Variants in WWOX observed in about 807,000 individuals in gnomAD.
WWOX encodes WW domain-containing oxidoreductase.
Under a neutral mutation model 46.2 loss-of-function variants are expected in WWOX, and 69 were observed. The ratio of observed to expected loss-of-function variants is 1.49; its 90% confidence interval spans 1.23 to 1.82. The LOEUF (loss-of-function observed/expected upper bound fraction) is 1.82. Ranked by LOEUF, WWOX falls within the 40% of genes most tolerant of loss-of-function variation. The pLI is 0.00. For missense variants in WWOX, 919 were observed against 542.6 expected, an observed-to-expected ratio of 1.69 and a Z score of -6.89; for synonymous variants, 359 against 202.6, an observed-to-expected ratio of 1.77 and a Z score of -6.56.
At chr16:78,920,999 A>T (rs927060071) in intron 8 of WWOX, among the ~76,000 whole-genome samples, 3 of 152,144 alleles carry the variant, frequency 2.0e-5, no homozygotes, top group Admixed American at 6.6e-5. Flanking sequence ...CAGCTCCCAC[A>T]CTGGCTGTTT....
chr16:78,791,262 A>G (rs1326533216), intron 8 of WWOX, among the ~76,000 whole-genome samples: 1 of 152,044 alleles, frequency 6.6e-6, no homozygotes, highest in African/African-American at 2.4e-5. Flanking sequence ...CCTCCCTCCG[A>G]TCCACCAGGC....
At chr16:79,194,778 T>A (rs1200145484) in intron 8 of WWOX, among the ~76,000 whole-genome samples, 1 of 152,174 alleles carries the variant, frequency 6.6e-6, no homozygotes, top group Non-Finnish European at 1.5e-5. Flanking sequence ...TTAAATAATT[T>A]TTCCCCGTAT....
chr16:78,765,035 G>C (rs996219985), intron 8 of WWOX, among the ~76,000 whole-genome samples: 7 of 152,310 alleles, frequency 4.6e-5, no homozygotes, highest in African/African-American at 1.7e-4. Flanking sequence ...CCAGATCCCT[G>C]CCCAACAGGA....
chr16:78,782,805 A>G (rs933868046), intron 8 of WWOX, among the ~76,000 whole-genome samples: 2 of 152,060 alleles, frequency 1.3e-5, no homozygotes, highest in African/African-American at 2.4e-5. Flanking sequence ...TCAATCATTG[A>G]TAAGATGTAC....
intron 8 of WWOX, among the ~76,000 whole-genome samples, chr16:78,579,115 T>A (rs185269274): frequency 4.6e-4 from 70 of 152,346 alleles, no homozygotes; most frequent in African/African-American, 1.6e-3. Flanking sequence ...TGGCTGTGTT[T>A]TTCTGTTTCT....
At chr16:78,528,861 A>G (rs890684421) in intron 8 of WWOX, among the ~76,000 whole-genome samples, 8 of 152,046 alleles carry the variant, frequency 5.3e-5, no homozygotes, top group East Asian at 1.9e-4. Flanking sequence ...GCCATCTTGG[A>G]TTCCCAGCTT....
At chr16:79,203,930 C>G (rs2051424840) in intron 8 of WWOX, 1 of 152,124 alleles carries the variant, frequency 6.6e-6, no homozygotes, top group Non-Finnish European at 1.5e-5. Context: ...TTCAAATAAA[C>G]ACACACTAAA....
At chr16:79,104,166 T>G (rs73575172) in intron 8 of WWOX, among the ~76,000 whole-genome samples, 18,401 of 151,708 alleles carry the variant, frequency 0.12, 1,192 homozygotes, top group East Asian at 0.17. Flanking sequence ...CACAAATAGG[T>G]GAACTACTCT....
chr16:78,880,533 G>A (rs1194857934), intron 8 of WWOX, among the ~76,000 whole-genome samples: 1 of 152,224 alleles, frequency 6.6e-6, no homozygotes, highest in African/African-American at 2.4e-5. Context: ...CACATAAGAT[G>A]AACATTAAAC....
intron 8 of WWOX, among the ~76,000 whole-genome samples, chr16:78,559,613 T>C (rs1240317518): frequency 1.3e-5 from 2 of 152,228 alleles, no homozygotes; most frequent in African/African-American, 4.8e-5. Flanking sequence ...TATTAGCAAA[T>C]GGCCACTGGC....
At chr16:79,157,947 G>A (rs1452447217) in intron 8 of WWOX, among the ~76,000 whole-genome samples, 1 of 152,172 alleles carries the variant, frequency 6.6e-6, no homozygotes, top group Non-Finnish European at 1.5e-5. Flanking sequence ...AGGGTGGATG[G>A]TGGCCTGGGG....
chr16:78,947,225 C>A (rs2045966787), intron 8 of WWOX, among the ~76,000 whole-genome samples: 1 of 152,062 alleles, frequency 6.6e-6, no homozygotes, highest in African/African-American at 2.4e-5. Context: ...AACTGGAGGC[C>A]TGCAAATGAG....
At chr16:78,435,297 A>G (rs562715106) in intron 8 of WWOX, among the ~76,000 whole-genome samples, 8 of 152,102 alleles carry the variant, frequency 5.3e-5, no homozygotes, top group Non-Finnish European at 1.0e-4. Context: ...CTCCATGCCT[A>G]ACTCCTTTGC....
intron 8 of WWOX, among the ~76,000 whole-genome samples, chr16:79,102,218 G>T (rs1416033235): frequency 3.3e-5 from 5 of 152,112 alleles, no homozygotes; most frequent in African/African-American, 7.2e-5. Context: ...AAGATAACTT[G>T]CCTATAAACA....
At chr16:78,570,994 G>T (rs371291021) in intron 8 of WWOX, among the ~76,000 whole-genome samples, 1 of 152,180 alleles carries the variant, frequency 6.6e-6, no homozygotes, top group Non-Finnish European at 1.5e-5. Flanking sequence ...ATTCATTGCT[G>T]AAGAGACTAT....
Position 78,808,115 on chromosome 16 carries a change from C to G in WWOX, c.1056+375363C>G, listed in dbSNP as rs79709608. On this transcript the variant is annotated intron_variant, in intron 8 of 8. Coordinates refer to ENST00000566780, the MANE Select transcript of WWOX (RefSeq NM_016373.4). ...CTCCTAGGGCCTAGGCCCAAGCAAC[C>G]AGGACTCCCTGTAGTCAACCCCACT... Among the ~76,000 whole-genome samples, 780 of 152,304 alleles carry G rather than the reference C, an allele frequency of 5.1e-3. 8 individuals carry two copies. Among genetic ancestry groups the G allele is most frequent in the African/African-American group, 0.018 (736 of 41,570 alleles).
At chr16:78,299,453 C>G (rs2151865935) in intron 5 of WWOX, among the ~76,000 whole-genome samples, 1 of 152,128 alleles carries the variant, frequency 6.6e-6, no homozygotes, top group South Asian at 2.1e-4. Flanking sequence ...TTTATGATGT[C>G]TCCCTAATTT....
At position 79,166,461 on chromosome 16, in the gene WWOX, A is replaced by G. The variant is rs1213201067; in HGVS notation, c.1057-45147A>G. Among the ~76,000 whole-genome samples, 4 of 152,240 alleles carry G rather than the reference A, an allele frequency of 2.6e-5. No homozygotes were observed. In the East Asian group the frequency reaches 7.7e-4, roughly 29 times the overall value. On this transcript the variant is annotated intron_variant, in intron 8 of 8. Coordinates refer to ENST00000566780, the MANE Select transcript of WWOX (RefSeq NM_016373.4). ...CTCCTTTGTCACAGAGCCACTGTGTACTTTCATAGACCATCCTATTTTTCA... is the reference window on the plus strand; with the variant it reads ...CTCCTTTGTCACAGAGCCACTGTGTGCTTTCATAGACCATCCTATTTTTCA...
intron 4 of WWOX, among the ~76,000 whole-genome samples, chr16:78,131,362 C>G (rs997093025): frequency 6.6e-6 from 1 of 151,768 alleles, no homozygotes; most frequent in Admixed American, 6.6e-5. Flanking sequence ...CAGGCATGCA[C>G]CACCATTCCT....
Sources: gnomAD v4.1 joint callset for allele counts (sites outside exome capture counted in the v4.1 genomes callset) on GRCh38, gnomAD v4.1.1 for gene constraint, MANE v1.5 for transcripts, NCBI Gene and HGNC (gene_info 2026-07-23, HGNC 2026-07-21) for gene names.